The following MSN variants were observed in gnomAD, a reference collection of about 807,000 sequenced individuals.
MSN encodes the protein moesin, also known as epididymis luminal protein 70.
In MSN, 2 loss-of-function variants were observed where a neutral mutation model predicts 48.0. The ratio of observed to expected loss-of-function variants is 0.04; its 90% CI spans 0.02 to 0.13. The LOEUF is 0.13. MSN is among the 10% of genes least tolerant of loss of function. The pLI is 1.00. For synonymous variants in MSN, 146 were observed against 166.9 expected (o/e 0.87, Z 0.97); for missense variants, 267 against 470.1 (o/e 0.57, Z 3.99).
intron 1 of MSN, among the ~76,000 whole-genome samples, chrX:65,699,187 C>T (rs1286149214): frequency 1.8e-5 from 2 of 111,905 alleles, no homozygotes; most frequent in Non-Finnish European, 3.8e-5. Flanking sequence ...AAGTCAAAAC[C>T]ACTGAGCAAA....
chrX:65,733,424 TAG>T, intron 7 of MSN, 144 bp downstream of exon 7: 2 of 478,884 alleles, frequency 4.2e-6, no homozygotes, highest in African/African-American at 4.8e-5. Flanking sequence ...GAAGCACAAA[TAG>T]AGATTGGGAA....
intron 1 of MSN, among the ~76,000 whole-genome samples, chrX:65,695,004 C>A (rs958125549): frequency 8.9e-6 from 1 of 112,028 alleles, no homozygotes; most frequent in Non-Finnish European, 1.9e-5. Flanking sequence ...AGAAGCCAGG[C>A]AGCCTTGGCT....
intron 1 of MSN, among the ~76,000 whole-genome samples, chrX:65,703,673 T>C (rs2147487192): frequency 8.9e-6 from 1 of 112,146 alleles, no homozygotes; most frequent in African/African-American, 3.2e-5. Context: ...CAAGCGATTC[T>C]CATGCCTCAG....
chrX:65,694,441 G>T (rs922363906), intron 1 of MSN, among the ~76,000 whole-genome samples: 23 of 109,215 alleles, frequency 2.1e-4, no homozygotes, highest in Non-Finnish European at 4.2e-4. Context: ...GCGATTCCCT[G>T]TCTCAGCCTC....
intron 1 of MSN, among the ~76,000 whole-genome samples, chrX:65,652,791 C>T (rs1243469481): frequency 2.7e-5 from 3 of 111,644 alleles, no homozygotes; most frequent in South Asian, 3.8e-4. Flanking sequence ...TTCCCTTGGC[C>T]GTAGTTTTCT....
chrX:65,727,128 C>CA (rs1485804532), intron 2 of MSN, among the ~76,000 whole-genome samples: 1 of 111,933 alleles, frequency 8.9e-6, no homozygotes, highest in African/African-American at 3.3e-5. Context: ...AGAACCCAGG[C>CA]ACAGCATGGC....
chrX:65,673,647 A>T (rs151184557), intron 1 of MSN, among the ~76,000 whole-genome samples: 3,083 of 111,322 alleles, frequency 0.028, 45 homozygotes, highest in Middle Eastern at 0.074. Context: ...AGCATTTTAA[A>T]GGCATTTGCA....
intron 1 of MSN, among the ~76,000 whole-genome samples, chrX:65,670,794 C>T (rs1258516031): frequency 3.0e-5 from 3 of 99,332 alleles, no homozygotes; most frequent in Admixed American, 1.1e-4. Flanking sequence ...TCTTGCCATT[C>T]CTTGGACTCT....
upstream of MSN, among the ~76,000 whole-genome samples, chrX:65,665,175 T>C (rs945431653): frequency 8.9e-6 from 1 of 111,848 alleles, no homozygotes; most frequent in African/African-American, 3.3e-5. Flanking sequence ...GTTTCCACTT[T>C]CCAGAAAGTT....
At chrX:65,676,012 A>G (rs1430452339) in intron 1 of MSN, among the ~76,000 whole-genome samples, 3 of 112,893 alleles carry the variant, frequency 2.7e-5, no homozygotes, top group Non-Finnish European at 5.6e-5. Flanking sequence ...CTTCATGCTT[A>G]CACATGAACT....
chrX:65,621,033 A>G (rs2070438706), intron 1 of MSN, among the ~76,000 whole-genome samples: 1 of 109,216 alleles, frequency 9.2e-6, no homozygotes, highest in South Asian at 3.9e-4. Flanking sequence ...TCAAGCCATT[A>G]TCCTCCTGAG....
chrX:65,728,131 T>A (rs2071585981), intron 3 of MSN, among the ~76,000 whole-genome samples: 2 of 111,713 alleles, frequency 1.8e-5, no homozygotes, highest in South Asian at 7.6e-4. Context: ...TGGCCAGCAT[T>A]CAAAGAAGAA....
chrX:65,726,478 T>C (rs1048884742), intron 2 of MSN, among the ~76,000 whole-genome samples: 2 of 111,545 alleles, frequency 1.8e-5, no homozygotes, highest in African/African-American at 6.5e-5. Context: ...TTAATAAATA[T>C]GAGCTACTTT....
chrX:65,736,621 A>G (rs2071678949), intron 8 of MSN, among the ~76,000 whole-genome samples, 174 bp from the exon 9 acceptor site: 1 of 110,201 alleles, frequency 9.1e-6, no homozygotes, highest in Non-Finnish European at 1.9e-5. Flanking sequence ...TATTTTTAGT[A>G]GAGACGGGGT....
intron 1 of MSN, among the ~76,000 whole-genome samples, chrX:65,709,982 A>G (rs1422263785): frequency 9.0e-6 from 1 of 111,425 alleles, no homozygotes; most frequent in South Asian, 3.7e-4. Context: ...AATGCCCTCC[A>G]CTTATCTTCC....
At chrX:65,617,571 A>G (rs1162585397) in intron 1 of MSN, among the ~76,000 whole-genome samples, 2 of 105,106 alleles carry the variant, frequency 1.9e-5, no homozygotes, top group Non-Finnish European at 3.8e-5. Flanking sequence ...ATCATTTTTT[A>G]TTGCGTCTAT....
At chrX:65,623,627 A>G (rs1602729483) in intron 1 of MSN, among the ~76,000 whole-genome samples, 1 of 109,592 alleles carries the variant, frequency 9.1e-6, no homozygotes, top group East Asian at 2.8e-4. Flanking sequence ...CCTGGCCTAC[A>G]TGGTGAAACC....
At chrX:65,682,456 T>G (rs1052061519) in intron 1 of MSN, among the ~76,000 whole-genome samples, 1 of 112,005 alleles carries the variant, frequency 8.9e-6, no homozygotes, top group Non-Finnish European at 1.9e-5. Context: ...CCCAGGACTT[T>G]ATGTTTTGTA....
chrX:65,631,543 T>A (rs1201033014), intron 1 of MSN, among the ~76,000 whole-genome samples: 2 of 112,374 alleles, frequency 1.8e-5, no homozygotes, highest in African/African-American at 6.5e-5. Context: ...TTAAAGTTAA[T>A]CCAAATTGTC....
Sources: allele counts gnomAD v4.1 joint callset (sites outside exome capture counted in the v4.1 genomes callset), GRCh38; gene constraint gnomAD v4.1.1; transcripts MANE v1.5; gene names NCBI Gene and HGNC (gene_info 2026-07-23, HGNC 2026-07-21).